Variants in RANBP17 observed in about 807,000 individuals in gnomAD.
The protein encoded by RANBP17 is RAN binding protein 17.
Under a neutral mutation model 141.2 loss-of-function variants are expected in RANBP17, and 158 were observed. The observed-to-expected ratio is 1.12, with a 90% CI of 0.98 to 1.28. RANBP17 has a LOEUF of 1.28. Ranked by LOEUF, RANBP17 falls within the 50% of genes most tolerant of loss-of-function variation. The pLI is 0.00. For synonymous variants in RANBP17, 430 were observed against 450.0 expected, an observed-to-expected ratio of 0.96 and a Z score of 0.56; for missense variants, 1,438 against 1,290.7, an observed-to-expected ratio of 1.11 and a Z score of -1.75.
chr5:171,295,782 A>T, intron 26 of RANBP17, 105 bp from the exon 27 acceptor site: 1 of 1,263,498 alleles, frequency 7.9e-7, no homozygotes, highest in Non-Finnish European at 1.1e-6. Flanking sequence ...TCCTCTGAGC[A>T]TTAGTGAGCC....
chr5:171,023,469 C>T (rs1781026063), intron 14 of RANBP17, among the ~76,000 whole-genome samples: 3 of 152,192 alleles, frequency 2.0e-5, no homozygotes, highest in African/African-American at 7.2e-5. Context: ...TTGTATAGAT[C>T]TAAATTTTGA....
At chr5:171,197,629 T>C (rs1762049453) in intron 18 of RANBP17, among the ~76,000 whole-genome samples, 1 of 152,230 alleles carries the variant, frequency 6.6e-6, no homozygotes, top group Non-Finnish European at 1.5e-5. Context: ...TCTCATTTAG[T>C]TCCCGCAGTA....
chr5:170,893,565 G>T (rs541834712), intron 4 of RANBP17, among the ~76,000 whole-genome samples: 1 of 152,004 alleles, frequency 6.6e-6, no homozygotes, highest in East Asian at 1.9e-4. Context: ...AGGCCAAGGC[G>T]TGCGGATCAT....
chr5:170,971,169 CAG>C (rs1304530534), intron 14 of RANBP17, among the ~76,000 whole-genome samples: 2 of 152,198 alleles, frequency 1.3e-5, no homozygotes, highest in African/African-American at 4.8e-5. Flanking sequence ...GTATAGACAA[CAG>C]AATATAATTT....
intron 13 of RANBP17, among the ~76,000 whole-genome samples, chr5:170,961,818 G>A (rs1273115759): frequency 6.6e-6 from 1 of 152,190 alleles, no homozygotes; most frequent in Non-Finnish European, 1.5e-5. Context: ...TCTTCAGAGG[G>A]CACTGTGGTA....
intron 14 of RANBP17, among the ~76,000 whole-genome samples, chr5:171,163,950 G>A (rs1412393732): frequency 1.3e-5 from 2 of 152,024 alleles, no homozygotes; most frequent in Non-Finnish European, 2.9e-5. Flanking sequence ...ACTTATAGAA[G>A]GCCTAAGGGT....
Position 171,191,841 on chromosome 5 carries a change from C to T in RANBP17, c.2039-7829C>T, listed in dbSNP as rs367943892. On this transcript the variant is annotated intron_variant, in intron 18 of 27. Coordinates refer to ENST00000523189, the MANE Select transcript of RANBP17 (RefSeq NM_022897.5). ...CACCTTATCAACCAGTGGAGAAATA[C>T]AACTTTTTTCCTTCATTTTTATTTG... Among the ~76,000 whole-genome samples, 195 of 152,274 alleles carry T rather than the reference C, an allele frequency of 1.3e-3. 9 individuals are homozygous for T. The South Asian group carries it at 0.039, about 30-fold the overall frequency.
chr5:171,093,260 T>C (rs907137067), intron 14 of RANBP17, among the ~76,000 whole-genome samples: 1 of 152,160 alleles, frequency 6.6e-6, no homozygotes, highest in East Asian at 1.9e-4. Context: ...GGACAGGTTT[T>C]ATATATGATC....
At chr5:171,095,869 A>G (rs894836990) in intron 14 of RANBP17, among the ~76,000 whole-genome samples, 2 of 152,178 alleles carry the variant, frequency 1.3e-5, no homozygotes, top group African/African-American at 2.4e-5. Context: ...AAAATGAACA[A>G]TTAACACACA....
intron 5 of RANBP17, among the ~76,000 whole-genome samples, chr5:170,899,906 G>C (rs1770481355): frequency 2.0e-5 from 3 of 152,196 alleles, no homozygotes; most frequent in Admixed American, 2.0e-4. Context: ...TGTGCTGCTG[G>C]ATTTGGCTTG....
intron 24 of RANBP17, among the ~76,000 whole-genome samples, chr5:171,257,543 C>T (rs190824888): frequency 8.5e-5 from 13 of 152,118 alleles, no homozygotes; most frequent in Admixed American, 5.9e-4. Flanking sequence ...CTACACAGTA[C>T]GAAAAGTCCT....
Position 170,862,018 on chromosome 5 carries a change from G to A in RANBP17, c.-16G>A, listed in dbSNP as rs1581634459. On this transcript the variant is annotated 5_prime_UTR_variant, in exon 1 of 28. Transcript: ENST00000523189. ...GGTGCCGACCGGCCGGCTGGCCGGCGCCGCCTCCTGGGAAGATGGCGCTGC... is the reference window on the plus strand; with the variant it reads ...GGTGCCGACCGGCCGGCTGGCCGGCACCGCCTCCTGGGAAGATGGCGCTGC... 1.4e-6 allele frequency: 2 copies of A among 1,456,466 alleles called. No homozygotes were observed. The highest frequency in any genetic ancestry group is 3.0e-5 in the East Asian group (1 of 32,870). The allele number at this position is 1,456,466 out of a possible 1,614,324, so 90.2% of individuals were successfully genotyped here.
At chr5:170,885,050 G>A (rs80217140) in intron 3 of RANBP17, among the ~76,000 whole-genome samples, 4,454 of 151,372 alleles carry the variant, frequency 0.029, 219 homozygotes, top group African/African-American at 0.1. Context: ...ACCTTTTGTC[G>A]CCTTTACTTA....
At chr5:170,935,227 C>T (rs961667016) in intron 12 of RANBP17, among the ~76,000 whole-genome samples, 2 of 152,186 alleles carry the variant, frequency 1.3e-5, no homozygotes, top group African/African-American at 4.8e-5. Flanking sequence ...AAGGGTTTAG[C>T]TTCTTTGCAA....
At chr5:171,019,193 A>G (rs904249867) in intron 14 of RANBP17, among the ~76,000 whole-genome samples, 1 of 152,228 alleles carries the variant, frequency 6.6e-6, no homozygotes, top group African/African-American at 2.4e-5. Context: ...ATCAATGTTC[A>G]TCAGAGATAT....
At chr5:171,001,412 A>G (rs1340686714) in intron 14 of RANBP17, among the ~76,000 whole-genome samples, 1 of 152,168 alleles carries the variant, frequency 6.6e-6, no homozygotes, top group African/African-American at 2.4e-5. Flanking sequence ...AGAGCGTCCA[A>G]GGGGGTTCAA....
chr5:171,166,860 C>A (rs1394694020), intron 14 of RANBP17, among the ~76,000 whole-genome samples: 2 of 152,112 alleles, frequency 1.3e-5, no homozygotes, highest in Non-Finnish European at 2.9e-5. Flanking sequence ...CAGATTGTTG[C>A]TCTTAATGAG....
chr5:171,121,165 A>G (rs1395476000), intron 14 of RANBP17, among the ~76,000 whole-genome samples: 1 of 152,150 alleles, frequency 6.6e-6, no homozygotes, highest in Non-Finnish European at 1.5e-5. Context: ...TGTTGGGGCT[A>G]TGGGTTGTTA....
At position 171,205,602 on chromosome 5, in the gene RANBP17, T is replaced by A; in HGVS notation, c.2221T>A (p.Phe741Ile). ...LNTKTSYTMLFDWMYPTYLPL... is the reference protein window; with the variant it reads ...LNTKTSYTMLIDWMYPTYLPL... Reference sequence around the variant, plus strand: ...CACAAAGACCAGCTACACCATGCTGTTTGACTGGATGTATCCTTATTACAC... The same window carrying A: ...CACAAAGACCAGCTACACCATGCTGATTGACTGGATGTATCCTTATTACAC... The change falls in exon 20 of 28, where the codon TTT (phenylalanine) becomes ATT (isoleucine). Residue 741 changes from phenylalanine to isoleucine, a missense_variant. Phe to Ile is a conservative substitution (Grantham distance 21). Transcript: ENST00000523189. The A allele has an allele frequency of 6.2e-7, 1 of 1,612,946 alleles. No individual in the cohort carries two copies. Among genetic ancestry groups the A allele is most frequent in the South Asian group, 1.1e-5 (1 of 91,048 alleles).
Sources: allele counts gnomAD v4.1 joint callset (sites outside exome capture counted in the v4.1 genomes callset), GRCh38; gene constraint gnomAD v4.1.1; transcripts MANE v1.5; gene names NCBI Gene and HGNC (gene_info 2026-07-23, HGNC 2026-07-21).